The following CYTH3 variants were observed in gnomAD, a reference collection of about 807,000 sequenced individuals.
The protein encoded by CYTH3 is cytohesin-3.
A neutral mutation model predicts 55.1 loss-of-function variants in CYTH3; 23 were observed. The ratio of observed to expected loss-of-function variants is 0.42; its 90% CI spans 0.30 to 0.59. The LOEUF is 0.59. CYTH3 is among the 20% of genes least tolerant of loss of function. CYTH3 has a pLI of 0.20. For synonymous variants in CYTH3, 249 were observed against 194.9 expected (o/e 1.28, Z -2.31); for missense variants, 413 against 524.8 (o/e 0.79, Z 2.08).
At chr7:6,249,840 C>T (rs1322842660) in intron 1 of CYTH3, among the ~76,000 whole-genome samples, 2 of 152,300 alleles carry the variant, frequency 1.3e-5, no homozygotes, top group East Asian at 1.9e-4. Flanking sequence ...ACATACCTCT[C>T]GCCTCACATA....
At chr7:6,210,834 G>A (rs1479760724) in intron 1 of CYTH3, among the ~76,000 whole-genome samples, 1 of 152,140 alleles carries the variant, frequency 6.6e-6, no homozygotes, top group Non-Finnish European at 1.5e-5. Context: ...TGGGCATATT[G>A]CCTTCACTGA....
At chr7:6,189,829 G>A (rs1157518396) in intron 2 of CYTH3, among the ~76,000 whole-genome samples, 1 of 152,086 alleles carries the variant, frequency 6.6e-6, no homozygotes, top group African/African-American at 2.4e-5. Context: ...GAGGTCAGGA[G>A]ATCAAGACCA....
intron 1 of CYTH3, among the ~76,000 whole-genome samples, chr7:6,250,781 T>C (rs145576731): frequency 7.2e-5 from 11 of 152,342 alleles, no homozygotes; most frequent in South Asian, 2.1e-4. Flanking sequence ...ATGAATATAC[T>C]AAAAGCCATT....
chr7:6,203,782 A>C (rs1467305336), intron 1 of CYTH3, among the ~76,000 whole-genome samples: 2 of 151,788 alleles, frequency 1.3e-5, no homozygotes, highest in African/African-American at 2.4e-5. Context: ...GCAATGGCCC[A>C]ATCTCGGCTC....
At chr7:6,231,904 G>A (rs750333324) in intron 1 of CYTH3, among the ~76,000 whole-genome samples, 13 of 152,104 alleles carry the variant, frequency 8.5e-5, no homozygotes, top group African/African-American at 2.9e-4. Context: ...CTTCACTGTC[G>A]GAACAGGCTC....
At position 6,164,555 on chromosome 7, in the gene CYTH3, G is replaced by C. The variant is rs781343423; in HGVS notation, c.*389C>G. ...TTGGCATGGTACGAATGAGGCTCCC[G>C]TCTGTGGAATCCGTCCCGTGTCTGC... On this transcript the variant is annotated 3_prime_UTR_variant, in exon 13 of 13. Transcript: ENST00000350796. 2 of 238,030 alleles carry C rather than the reference G, an allele frequency of 8.4e-6. No individual in the cohort carries two copies. The highest frequency in any genetic ancestry group is 5.2e-5 in the Admixed American group (1 of 19,264). 14.7% of individuals were successfully genotyped at this position (238,030 alleles called of 1,614,324 possible). A position where few individuals can be genotyped will look rare whatever the true frequency, so the allele number is the denominator to read the frequency against.
rs532359350 is a variant in CYTH3 at position 6,261,121 on chromosome 7, G to A, written c.34+11353C>T. On this transcript the variant is annotated intron_variant, in intron 1 of 12. Transcript: ENST00000350796. ...GACTCTGGAGGCCAGGATTCCAGAGGGAAAAGGGGAGTGCAGAAAAGTGAG... is the reference window on the plus strand; with the variant it reads ...GACTCTGGAGGCCAGGATTCCAGAGAGAAAAGGGGAGTGCAGAAAAGTGAG... Among the ~76,000 whole-genome samples the A allele has an allele frequency of 2.0e-5, 3 of 152,272 alleles. No individual in the cohort carries two copies. The South Asian group carries it at 6.2e-4, about 32-fold the overall frequency.
At chr7:6,204,067 C>G (rs1436948725) in intron 1 of CYTH3, among the ~76,000 whole-genome samples, 2 of 151,126 alleles carry the variant, frequency 1.3e-5, no homozygotes, top group Non-Finnish European at 2.9e-5. Context: ...AAAAAGAAAC[C>G]AATATTAAGT....
At chr7:6,223,330 C>A (rs1230997222) in intron 1 of CYTH3, among the ~76,000 whole-genome samples, 2 of 152,180 alleles carry the variant, frequency 1.3e-5, no homozygotes. Flanking sequence ...CCCAACAGCT[C>A]TGAAGAGACA....
In CYTH3 at chr7:6,187,674, T is replaced by G; in HGVS notation, c.165A>C (p.Leu55=). 1.4e-5 allele frequency: 23 copies of G among 1,614,064 alleles called. No individual in the cohort carries two copies. The highest frequency in any genetic ancestry group is 1.9e-5 in the Non-Finnish European group (22 of 1,179,902). Residue 55 remains leucine, a synonymous_variant, in exon 3 of 13, where the codon CTA becomes CTC. Transcript: ENST00000350796. ...ATTGTTACCTCTCCTCTACGGAAGT[T>G]AGATTGTCGATCTCTGTCATCACCT... ...IAEVMTEIDN[L]TSVEESKTTQ...
intron 1 of CYTH3, among the ~76,000 whole-genome samples, chr7:6,229,655 A>T (rs1779337891): frequency 6.6e-6 from 1 of 150,868 alleles, no homozygotes; most frequent in African/African-American, 2.4e-5. Flanking sequence ...ACTGAAAAAA[A>T]AAAAAAAAAA....
intron 1 of CYTH3, among the ~76,000 whole-genome samples, chr7:6,249,991 G>A (rs553853038): frequency 1.3e-5 from 2 of 152,226 alleles, no homozygotes; most frequent in African/African-American, 4.8e-5. Flanking sequence ...AAGACTGTAC[G>A]CTTTGACCAA....
chr7:6,247,979 C>G (rs937444929), intron 1 of CYTH3, among the ~76,000 whole-genome samples: 1 of 151,914 alleles, frequency 6.6e-6, no homozygotes, highest in African/African-American at 2.4e-5. Flanking sequence ...TTTTATAACT[C>G]TCTCTGCCCT....
In CYTH3 at chr7:6,208,901, T is replaced by A. The variant is rs147488378; in HGVS notation, c.35-18370A>T. 4.6e-5 allele frequency among the ~76,000 whole-genome samples: 7 copies of A among 152,330 alleles called. 1 individual carries two copies. The highest frequency in any genetic ancestry group is 1.7e-4 in the African/African-American group (7 of 41,576). ...CTCCATCAGAAACACTTGGAGGTAA[T>A]TGTCTAAAATAGAGTTCCTAGACCC... is the stretch of plus-strand genomic sequence containing the variant. On this transcript the variant is annotated intron_variant, in intron 1 of 12. Coordinates refer to ENST00000350796, the MANE Select transcript of CYTH3 (RefSeq NM_004227.4).
At chr7:6,247,222 C>G (rs1779842836) in intron 1 of CYTH3, among the ~76,000 whole-genome samples, 1 of 152,146 alleles carries the variant, frequency 6.6e-6, no homozygotes. Context: ...CCTTTTTTCC[C>G]TTAAAACTTA....
At chr7:6,241,900 G>A (rs1257319556) in intron 1 of CYTH3, among the ~76,000 whole-genome samples, 1 of 152,158 alleles carries the variant, frequency 6.6e-6, no homozygotes, top group Non-Finnish European at 1.5e-5. Context: ...GCAGTGATAA[G>A]AATTTACATT....
chr7:6,272,176 G>A (rs1562425044), intron 1 of CYTH3, among the ~76,000 whole-genome samples: 1 of 152,138 alleles, frequency 6.6e-6, no homozygotes, highest in South Asian at 2.1e-4. Flanking sequence ...CCCCAGAGGA[G>A]CGACACCCAA....
intron 5 of CYTH3, among the ~76,000 whole-genome samples, chr7:6,177,587 T>C (rs1457346277): frequency 6.6e-6 from 1 of 152,268 alleles, no homozygotes; most frequent in Non-Finnish European, 1.5e-5. Context: ...AAAAACAGGA[T>C]TCCAGAGGAG....
chr7:6,216,558 G>C (rs571233377), intron 1 of CYTH3, among the ~76,000 whole-genome samples: 2 of 151,664 alleles, frequency 1.3e-5, no homozygotes, highest in Admixed American at 6.6e-5. Flanking sequence ...TGTCAACACC[G>C]CAAGACCCCA....
Sources: gnomAD v4.1 joint callset for allele counts (sites outside exome capture counted in the v4.1 genomes callset) on GRCh38, gnomAD v4.1.1 for gene constraint, MANE v1.5 for transcripts, NCBI Gene and HGNC (gene_info 2026-07-23, HGNC 2026-07-21) for gene names.